EIPR1: variants seen among roughly 807,000 people sequenced by gnomAD.
EIPR1 encodes the protein EARP and GARP complex-interacting protein 1.
EIPR1 carries 25 observed loss-of-function variants against 48.1 expected under a neutral mutation model. That is an observed-to-expected ratio of 0.52 (90% confidence interval 0.38 to 0.73). EIPR1 has a LOEUF of 0.73. Ranked by LOEUF, EIPR1 falls within the 30% of genes least tolerant of loss-of-function variation. The probability of loss-of-function intolerance (pLI) is 0.00; values close to 1 mark genes in which losing one functional copy is unlikely to be tolerated. For synonymous variants in EIPR1, 204 were observed against 201.9 expected (o/e 1.01, Z -0.09); for missense variants, 415 against 506.2 (o/e 0.82, Z 1.73).
rs151319101 is a variant in EIPR1, at chr2:3,358,650, T to C, written c.43-4017A>G. On this transcript the variant is annotated intron_variant, in intron 1 of 8. Coordinates refer to ENST00000382125, the MANE Select transcript of EIPR1 (RefSeq NM_003310.5). ...GCATATATGCACAGAAAATTTTGCA[T>C]ATAATTATCAGCAAGTCACAGAGCC... Among the ~76,000 whole-genome samples the C allele has an allele frequency of 2.6e-5, 4 of 152,312 alleles. No homozygotes were observed. The Middle Eastern group carries it at 0.01, about 389-fold the overall frequency.
intron 1 of EIPR1, among the ~76,000 whole-genome samples, chr2:3,362,273 G>T (rs532768261): frequency 1.3e-5 from 2 of 151,944 alleles, no homozygotes; most frequent in Non-Finnish European, 1.5e-5. Flanking sequence ...TACACAGGGG[G>T]ATGTGCCCCT....
At chr2:3,369,986 C>G (rs1013609709) in intron 1 of EIPR1, among the ~76,000 whole-genome samples, 1 of 152,316 alleles carries the variant, frequency 6.6e-6, no homozygotes, top group East Asian at 1.9e-4. Context: ...GGAGGCACCC[C>G]CCCCGTAGGG....
At chr2:3,291,951 C>T (rs532352934) in intron 3 of EIPR1, among the ~76,000 whole-genome samples, 21 of 152,354 alleles carry the variant, frequency 1.4e-4, no homozygotes, top group African/African-American at 3.8e-4. Context: ...GTCCTGTGGC[C>T]GTCAGGGGCC....
At chr2:3,339,867 G>A (rs1470070575) in intron 2 of EIPR1, among the ~76,000 whole-genome samples, 8 of 152,198 alleles carry the variant, frequency 5.3e-5, no homozygotes, top group Non-Finnish European at 1.2e-4. Context: ...GGAGAATGGC[G>A]TGAACCCGGG....
chr2:3,256,148 A>G (rs1265242594), intron 4 of EIPR1, among the ~76,000 whole-genome samples: 1 of 152,154 alleles, frequency 6.6e-6, no homozygotes, highest in Admixed American at 6.5e-5. Flanking sequence ...TTCCACCACA[A>G]ACTGATACAC....
intron 3 of EIPR1, among the ~76,000 whole-genome samples, chr2:3,299,935 G>A (rs931819040): frequency 6.6e-6 from 1 of 152,090 alleles, no homozygotes; most frequent in Non-Finnish European, 1.5e-5. Context: ...GCAAATTTAT[G>A]ACGCAAGAGT....
chr2:3,247,692 C>T (rs1341941251), intron 4 of EIPR1, among the ~76,000 whole-genome samples: 1 of 152,150 alleles, frequency 6.6e-6, no homozygotes, highest in Non-Finnish European at 1.5e-5. Flanking sequence ...GTACACTCTA[C>T]ATATTGATAA....
At chr2:3,347,494 C>T (rs747703493) in intron 2 of EIPR1, among the ~76,000 whole-genome samples, 3 of 152,210 alleles carry the variant, frequency 2.0e-5, no homozygotes, top group Non-Finnish European at 2.9e-5. Context: ...TGACTTGCTC[C>T]TCCTTGCCTT....
chr2:3,351,151 C>A (rs1670565877), intron 2 of EIPR1, among the ~76,000 whole-genome samples: 1 of 152,002 alleles, frequency 6.6e-6, no homozygotes. Flanking sequence ...CAGGTGCGTG[C>A]CACCACACCC....
At chr2:3,239,823 C>A (rs1666537195) in intron 4 of EIPR1, among the ~76,000 whole-genome samples, 1 of 152,278 alleles carries the variant, frequency 6.6e-6, no homozygotes, top group Non-Finnish European at 1.5e-5. Context: ...TTCTTTCCAT[C>A]TCCTTCCTTA....
intron 3 of EIPR1, among the ~76,000 whole-genome samples, chr2:3,258,603 A>G (rs1266523805): frequency 2.6e-5 from 4 of 152,254 alleles, no homozygotes; most frequent in Non-Finnish European, 5.9e-5. Flanking sequence ...CTTACTGGTG[A>G]TGATGCTCTT....
rs181140795 is a variant in EIPR1 at position 3,348,684 on chromosome 2, C to T, written c.126+5866G>A. 5.3e-5 allele frequency among the ~76,000 whole-genome samples: 8 copies of T among 152,368 alleles called. No individual in the cohort carries two copies. In the East Asian group the frequency reaches 1.5e-3, roughly 29 times the overall value. ...TCCCCACATTTTCAGAAAGATAGCG[C>T]AGCTGCATTATGCAGTAACGATGCA... On this transcript the variant is annotated intron_variant, in intron 2 of 8. Transcript: ENST00000382125.
At chr2:3,301,358 G>T (rs1325807373) in intron 3 of EIPR1, 1 of 152,194 alleles carries the variant, frequency 6.6e-6, no homozygotes, top group Non-Finnish European at 1.5e-5. Context: ...TTCACTCCCT[G>T]TGCCTGCCAG....
chr2:3,358,501 T>G (rs972538329), intron 1 of EIPR1, among the ~76,000 whole-genome samples: 1 of 152,160 alleles, frequency 6.6e-6, no homozygotes, highest in Admixed American at 6.5e-5. Flanking sequence ...TGTGAGCCAA[T>G]TCAACTCTTC....
intron 5 of EIPR1, among the ~76,000 whole-genome samples, chr2:3,210,987 G>C (rs1665430628): frequency 2.0e-5 from 3 of 152,056 alleles, no homozygotes; most frequent in South Asian, 4.2e-4. Flanking sequence ...TGGAGGATGG[G>C]AGGAGACAGG....
At chr2:3,356,013 T>C (rs1244119293) in intron 1 of EIPR1, among the ~76,000 whole-genome samples, 1 of 152,160 alleles carries the variant, frequency 6.6e-6, no homozygotes, top group East Asian at 1.9e-4. Context: ...CGAGTGCTCT[T>C]GGGAACTATT....
Position 3,289,302 on chromosome 2 carries a change from G to A in EIPR1, c.260-31847C>T, listed in dbSNP as rs972608213. Among the ~76,000 whole-genome samples, 5 of 152,084 alleles carry A rather than the reference G, an allele frequency of 3.3e-5. No homozygotes were observed. The East Asian group carries it at 7.7e-4, about 23-fold the overall frequency. On this transcript the variant is annotated intron_variant, in intron 3 of 8. Coordinates refer to ENST00000382125, the MANE Select transcript of EIPR1 (RefSeq NM_003310.5). ...AAATTATAGTTTTAAAACAAAGAAC[G>A]CCGAGCTCAGGGTTTTCTCTCTGTC...
intron 4 of EIPR1, among the ~76,000 whole-genome samples, chr2:3,253,124 A>G (rs1486685253): frequency 6.6e-6 from 1 of 152,134 alleles, no homozygotes; most frequent in African/African-American, 2.4e-5. Flanking sequence ...TGCAATAAGA[A>G]CTTGAGTCTC....
chr2:3,308,566 G>A (rs182439095), intron 3 of EIPR1, among the ~76,000 whole-genome samples: 1 of 152,206 alleles, frequency 6.6e-6, no homozygotes, highest in Non-Finnish European at 1.5e-5. Flanking sequence ...TCAGTCTCCA[G>A]AGAGGAGAAA....
Sources: allele counts gnomAD v4.1 joint callset (sites outside exome capture counted in the v4.1 genomes callset), GRCh38; gene constraint gnomAD v4.1.1; transcripts MANE v1.5; gene names NCBI Gene and HGNC (gene_info 2026-07-23, HGNC 2026-07-21).